SLC4A5: variants seen among roughly 807,000 people sequenced by gnomAD.
SLC4A5 encodes the protein solute carrier family 4 member 5, also known as electrogenic sodium bicarbonate cotransporter 4.
Under a neutral mutation model 120.4 loss-of-function variants are expected in SLC4A5, and 96 were observed. The ratio of observed to expected loss-of-function variants is 0.80; its 90% CI spans 0.68 to 0.94. The LOEUF is 0.94. SLC4A5 is among the 40% of genes least tolerant of loss of function. The pLI is 0.00. For missense variants in SLC4A5, 1,259 were observed against 1,459.5 expected (o/e 0.86, Z 2.24); for synonymous variants, 550 against 571.1 (o/e 0.96, Z 0.53).
At chr2:74,285,249 T>C (rs901404964) in intron 8 of SLC4A5, among the ~76,000 whole-genome samples, 63 of 152,228 alleles carry the variant, frequency 4.1e-4, no homozygotes, top group Non-Finnish European at 1.5e-4. Context: ...ACCCTGTCTC[T>C]GGAAAAACAA....
chr2:74,219,243 C>T (rs942497286), intron 30 of SLC4A5, among the ~76,000 whole-genome samples: 22 of 146,806 alleles, frequency 1.5e-4, no homozygotes, highest in African/African-American at 5.3e-4. Flanking sequence ...TCAAATGGTA[C>T]TTCGGGCCTG....
intron 30 of SLC4A5, among the ~76,000 whole-genome samples, chr2:74,220,828 C>A (rs992242990): frequency 7.6e-6 from 1 of 130,726 alleles, no homozygotes; most frequent in Non-Finnish European, 1.6e-5. Context: ...TGTTTTCTGT[C>A]AATATTTCCT....
intron 7 of SLC4A5, among the ~76,000 whole-genome samples, chr2:74,293,954 G>C (rs990821507): frequency 6.6e-6 from 1 of 152,172 alleles, no homozygotes; most frequent in African/African-American, 2.4e-5. Context: ...AAAAGTAAAA[G>C]AGCGGGGAGT....
chr2:74,244,118 G>C (rs1670532299), intron 19 of SLC4A5, among the ~76,000 whole-genome samples: 1 of 152,156 alleles, frequency 6.6e-6, no homozygotes, highest in Non-Finnish European at 1.5e-5. Context: ...CCTCATCCCA[G>C]TCTCCTAAAT....
chr2:74,296,661 T>C (rs987029537), intron 7 of SLC4A5, among the ~76,000 whole-genome samples: 1 of 146,076 alleles, frequency 6.8e-6, no homozygotes, highest in Non-Finnish European at 1.5e-5. Context: ...TGGTGGCACA[T>C]GCCTGTAATC....
rs1458260929 is a variant in SLC4A5 at position 74,255,386 on chromosome 2, G to A, written c.1025+389C>T. Among the ~76,000 whole-genome samples the A allele has an allele frequency of 4.0e-5, 6 of 151,834 alleles. No individual in the cohort carries two copies. Among genetic ancestry groups the A allele is most frequent in the Admixed American group, 2.0e-4 (3 of 15,246 alleles). On this transcript the variant is annotated intron_variant, in intron 13 of 30. Coordinates refer to ENST00000394019, the Ensembl canonical transcript of SLC4A5. This position sits in a 1 kb window ranked among gnomAD's most constrained non-coding sequence, Gnocchi z 4.0. The stretch of plus-strand genomic sequence containing the variant: ...CGGCTCACTGCAACCTCTGCCTCCC[G>A]GGTTCAAGTGATTCTCCTGCCTCAG...
At chr2:74,289,484 T>C (rs1672091859) in intron 7 of SLC4A5, among the ~76,000 whole-genome samples, 1 of 152,138 alleles carries the variant, frequency 6.6e-6, no homozygotes, top group Non-Finnish European at 1.5e-5. Flanking sequence ...GCCTGGCTAA[T>C]TTTTGTATTT....
At chr2:74,224,946 T>C in exon 28 of SLC4A5, 1 of 1,614,184 alleles carries the variant, frequency 6.2e-7, no homozygotes. Flanking sequence ...CAGGTCGTGC[T>C]GGGAAAAGAT....
intron 10 of SLC4A5, among the ~76,000 whole-genome samples, chr2:74,262,963 C>T (rs1273068333): frequency 1.3e-5 from 2 of 152,206 alleles, no homozygotes; most frequent in African/African-American, 4.8e-5. Flanking sequence ...GAAGAGCACT[C>T]AGAATAGTGC....
At chr2:74,259,665 A>G in intron 11 of SLC4A5, 22 bp from the exon 12 acceptor site, 1 of 1,613,890 alleles carries the variant, frequency 6.2e-7, no homozygotes, top group Non-Finnish European at 8.5e-7. Context: ...GGAAAAGAAG[A>G]TCCATCAGGG....
At chr2:74,316,327 A>T (rs1305835639) in intron 5 of SLC4A5, among the ~76,000 whole-genome samples, 2 of 143,384 alleles carry the variant, frequency 1.4e-5, no homozygotes, top group African/African-American at 5.5e-5. Context: ...GTTGTAAAAA[A>T]AAAAAAAAAA....
At position 74,254,542 on chromosome 2, in the gene SLC4A5, A is replaced by G. The variant is rs1670898742; in HGVS notation, c.1113+77T>C. On this transcript the variant is annotated intron_variant, in intron 14 of 30. Coordinates refer to ENST00000394019, the Ensembl canonical transcript of SLC4A5. The stretch of plus-strand genomic sequence containing the variant: ...AGGTGCTCAAATGTGCTGGCTGGAT[A>G]AGTTAATGAATGAAGGTGCAGTGCT... The G allele has an allele frequency of 7.2e-6, 8 of 1,118,558 alleles. No homozygotes were observed. The South Asian group carries it at 1.0e-4, about 14-fold the overall frequency. The allele number at this position is 1,118,558 out of a possible 1,614,324, so 69.3% of individuals were successfully genotyped here.
At chr2:74,252,513 G>C in intron 15 of SLC4A5, 125 bp from the exon 16 acceptor site, 4 of 1,087,010 alleles carry the variant, frequency 3.7e-6, no homozygotes, top group Non-Finnish European at 5.3e-6. Context: ...ATATCCACAC[G>C]CAGGTCACCT....
intron 27 of SLC4A5, 125 bp downstream of exon 27, chr2:74,226,832 A>T: frequency 9.0e-7 from 1 of 1,114,606 alleles, no homozygotes; most frequent in Non-Finnish European, 1.3e-6. Context: ...AGCCTCCGTG[A>T]CCCGAGGGAG....
At chr2:74,226,537 G>GC (rs1694846433) in intron 27 of SLC4A5, among the ~76,000 whole-genome samples, 1 of 152,046 alleles carries the variant, frequency 6.6e-6, no homozygotes, top group African/African-American at 2.4e-5. Flanking sequence ...TTCTTCCCCT[G>GC]CCCCCCTACT....
chr2:74,342,288 G>A (rs1010560073), intron 2 of SLC4A5, among the ~76,000 whole-genome samples, 170 bp downstream of exon 2: 10 of 152,222 alleles, frequency 6.6e-5, no homozygotes, highest in Admixed American at 3.3e-4. Context: ...AGATGTATGA[G>A]TGTCTCCATT....
At chr2:74,288,926 C>CCTT (rs1231835467) in intron 7 of SLC4A5, among the ~76,000 whole-genome samples, 4 of 152,180 alleles carry the variant, frequency 2.6e-5, no homozygotes, top group Non-Finnish European at 5.9e-5. Context: ...TCCTGAAGCT[C>CCTT]CTTCTTTTTC....
intron 8 of SLC4A5, among the ~76,000 whole-genome samples, chr2:74,272,423 A>G (rs1417833588): frequency 6.6e-6 from 1 of 152,214 alleles, no homozygotes; most frequent in Non-Finnish European, 1.5e-5. Context: ...GCCTGATAAT[A>G]AGGTTCATGT....
At chr2:74,300,662 G>A (rs1490201890) in intron 7 of SLC4A5, among the ~76,000 whole-genome samples, 1 of 152,040 alleles carries the variant, frequency 6.6e-6, no homozygotes, top group Admixed American at 6.5e-5. Context: ...TCCTCCTATA[G>A]TTTCCTGTGC....
Sources: allele counts gnomAD v4.1 joint callset (sites outside exome capture counted in the v4.1 genomes callset), GRCh38; gene constraint gnomAD v4.1.1; non-coding constraint Gnocchi (gnomAD v3.1); transcripts MANE v1.5; gene names NCBI Gene and HGNC (gene_info 2026-07-23, HGNC 2026-07-21).